DAZAP2: variants seen among roughly 807,000 people sequenced by gnomAD.
DAZAP2 encodes the protein DAZ-associated protein 2.
A neutral mutation model predicts 16.2 loss-of-function variants in DAZAP2; 3 were observed. That is an observed-to-expected ratio of 0.19 (90% CI 0.08 to 0.48). The LOEUF is 0.48. Among genes scored for constraint, DAZAP2 ranks in the 20% least tolerant of loss-of-function variants. The pLI, the probability that DAZAP2 is intolerant of heterozygous loss-of-function variation, is 0.98. For synonymous variants in DAZAP2, 69 were observed against 77.6 expected, an observed-to-expected ratio of 0.89 and a Z score of 0.58; for missense variants, 172 against 215.9, an observed-to-expected ratio of 0.80 and a Z score of 1.27.
Position 51,242,349 on chromosome 12 carries a change from C to T in DAZAP2, c.398C>T (p.Pro133Leu), listed in dbSNP as rs779753588. 71 of 1,605,468 alleles carry T rather than the reference C, an allele frequency of 4.4e-5. No individual in the cohort carries two copies. In the East Asian group the frequency reaches 1.4e-3, roughly 32 times the overall value. Residue 133 changes from proline (P) to leucine (L), a missense_variant, in exon 4 of 4, where the codon CCT (proline) becomes CTT (leucine). By Grantham distance (98) the Pro-to-Leu change is moderately conservative. Transcript: ENST00000412716. ...GNIPPPPPGC[P>L]PNAAQLAVMQ... is the part of the protein sequence containing the mutation. ...TTTCAGCCTCCACCTCCTGGATGCC[C>T]TCCCAATGCTGCTCAGCTTGCAGTC... is the stretch of plus-strand genomic sequence containing the variant.
chr12:51,240,118 G>A (rs968437908), intron 1 of DAZAP2: 2 of 550,546 alleles, frequency 3.6e-6, no homozygotes, highest in African/African-American at 3.8e-5. Flanking sequence ...ATGTTAGTAG[G>A]AGCAGTGAGC....
At chr12:51,244,202 TTTTA>T (rs1000698375), downstream of DAZAP2, among the ~76,000 whole-genome samples, 9 of 152,188 alleles carry the variant, frequency 5.9e-5, no homozygotes, top group Non-Finnish European at 8.8e-5. Context: ...TCCTCAGCTC[TTTTA>T]TTTATTTTTT....
intron 3 of DAZAP2, 108 bp downstream of exon 3, chr12:51,241,224 G>A: frequency 6.6e-7 from 1 of 1,504,904 alleles, no homozygotes; most frequent in Non-Finnish European, 8.9e-7. Context: ...GCCAGTGTTG[G>A]TACAACTACT....
chr12:51,242,267 C>T (rs1429045310), intron 3 of DAZAP2, 63 bp from the exon 4 acceptor site: 34 of 1,521,504 alleles, frequency 2.2e-5, no homozygotes, highest in Admixed American at 1.3e-4. Flanking sequence ...CTCTGCTTCC[C>T]CTATGTCCCC....
chr12:51,238,841 C>T lies in DAZAP2; in HGVS notation c.-67C>T. Reference sequence around the variant, plus strand: ...ACCATCATGTGACACGGAAGTAGCTCCGAACAGGAAGAGGACGAAAAAAAT... The same window carrying T: ...ACCATCATGTGACACGGAAGTAGCTTCGAACAGGAAGAGGACGAAAAAAAT... On this transcript the variant is annotated 5_prime_UTR_variant, in exon 1 of 4. Coordinates refer to ENST00000412716, the MANE Select transcript of DAZAP2 (RefSeq NM_014764.4). 8.1e-6 allele frequency: 13 copies of T among 1,611,058 alleles called. No individual in the cohort carries two copies. The South Asian group carries it at 1.2e-4, about 15-fold the overall frequency.
intron 1 of DAZAP2, 111 bp from the exon 2 acceptor site, chr12:51,240,232 A>C: frequency 1.4e-5 from 11 of 783,180 alleles, no homozygotes; most frequent in Non-Finnish European, 2.5e-5. Context: ...GGGGCAGACT[A>C]TTTGCAAATC....
intron 2 of DAZAP2, 124 bp downstream of exon 2, chr12:51,240,585 C>CTA (rs551702493): frequency 1.9e-6 from 2 of 1,036,968 alleles, no homozygotes; most frequent in Non-Finnish European, 2.8e-6. Flanking sequence ...ATCTAAAACA[C>CTA]TATATAATTT....
intron 2 of DAZAP2, 171 bp from the exon 3 acceptor site, chr12:51,240,700 G>C (rs1944659822): frequency 1.0e-6 from 1 of 964,478 alleles, no homozygotes; most frequent in South Asian, 1.7e-5. Flanking sequence ...CCCAACATTA[G>C]CTATAGCAGA....
At chr12:51,241,700 C>T (rs1944680525) in intron 3 of DAZAP2, among the ~76,000 whole-genome samples, 1 of 152,116 alleles carries the variant, frequency 6.6e-6, no homozygotes, top group South Asian at 2.1e-4. Flanking sequence ...CACGGTGGCT[C>T]ACCTGAGGTC....
At chr12:51,246,197 G>C (rs1251360930), downstream of DAZAP2, 8 of 1,553,834 alleles carry the variant, frequency 5.1e-6, no homozygotes, top group Non-Finnish European at 6.1e-6. Context: ...ATCTGATTTA[G>C]TCACTGTTTT....
intron 3 of DAZAP2, among the ~76,000 whole-genome samples, chr12:51,241,610 A>G (rs1291264228): frequency 6.6e-6 from 1 of 152,232 alleles, no homozygotes; most frequent in Admixed American, 6.5e-5. Flanking sequence ...CAGTAACTAC[A>G]TGCTAGAGAT....
At position 51,238,884 on chromosome 12, in the gene DAZAP2, A is replaced by T. The variant is rs1329417064; in HGVS notation, c.-24A>T. 2 of 1,613,356 alleles carry T rather than the reference A, an allele frequency of 1.2e-6. No individual in the cohort carries two copies. Reference sequence around the variant, plus strand: ...AAAAAAATAACCGTCCGCGACGCCGAGACAAACCGGACCCGCAACCACCAT... The same window carrying T: ...AAAAAAATAACCGTCCGCGACGCCGTGACAAACCGGACCCGCAACCACCAT... On this transcript the variant is annotated 5_prime_UTR_variant, in exon 1 of 4. Coordinates refer to ENST00000412716, the MANE Select transcript of DAZAP2 (RefSeq NM_014764.4).
At chr12:51,244,658 G>C (rs1944740836), downstream of DAZAP2, 1 of 152,106 alleles carries the variant, frequency 6.6e-6, no homozygotes, top group Non-Finnish European at 1.5e-5. Flanking sequence ...AACTTATCTT[G>C]AGACTAAAAT....
chr12:51,245,762 C>T, downstream of DAZAP2: 1 of 625,088 alleles, frequency 1.6e-6, no homozygotes. Context: ...ACAGCTTTCT[C>T]CATGTCCCTG....
rs746678770 is a variant in DAZAP2 at position 51,243,846 on chromosome 12, T to C, written c.*1388T>C. On this transcript the variant is annotated 3_prime_UTR_variant, in exon 4 of 4. Coordinates refer to ENST00000412716, the MANE Select transcript of DAZAP2 (RefSeq NM_014764.4). ...AGATTTCTTCTATATATATTTTATT[T>C]ATATCCCATCTAGAATTCAGCTAGG... 5 of 985,154 alleles carry C rather than the reference T, an allele frequency of 5.1e-6. No homozygotes were observed. Among genetic ancestry groups the C allele is most frequent in the Non-Finnish European group, 6.0e-6 (5 of 829,624 alleles). 61.0% of individuals were successfully genotyped at this position (985,154 alleles called of 1,614,324 possible).
chr12:51,243,579 T>C lies in DAZAP2; in HGVS notation c.*1121T>C, dbSNP rs1944719932. The stretch of plus-strand genomic sequence containing the variant: ...ATTTTTGTTTTCTGAAATTGGATTT[T>C]ATTTTATTTTATCTTATAATTTCAG... On this transcript the variant is annotated 3_prime_UTR_variant, in exon 4 of 4. Transcript: ENST00000412716. The C allele has an allele frequency of 1.1e-6, 1 of 891,984 alleles. No individual in the cohort carries two copies. The highest frequency in any genetic ancestry group is 1.3e-6 in the Non-Finnish European group (1 of 747,204). The allele number at this position is 891,984 out of a possible 1,614,324, so 55.3% of individuals were successfully genotyped here.
At position 51,239,156 on chromosome 12, in the gene DAZAP2, C is replaced by T. The variant is rs768129353; in HGVS notation, c.13+236C>T. 15 of 549,172 alleles carry T rather than the reference C, an allele frequency of 2.7e-5. 1 individual carries two copies. Among genetic ancestry groups the T allele is most frequent in the Admixed American group, 2.6e-4 (7 of 26,758 alleles). 34.0% of individuals were successfully genotyped at this position (549,172 alleles called of 1,614,324 possible). A position where few individuals can be genotyped will look rare whatever the true frequency, so the allele number is the denominator to read the frequency against. The stretch of plus-strand genomic sequence containing the variant: ...GTGGCGCAGTTTGGAGCTGCGGGCT[C>T]GGGTGGTGGGGGGGCTTGACATGAT... On this transcript the variant is annotated intron_variant, in intron 1 of 3. Coordinates refer to ENST00000412716, the MANE Select transcript of DAZAP2 (RefSeq NM_014764.4).
chr12:51,239,144 G>C (rs1378521161), intron 1 of DAZAP2: 2 of 606,996 alleles, frequency 3.3e-6, no homozygotes, highest in Non-Finnish European at 5.4e-6. Flanking sequence ...GCGCAGTTTG[G>C]AGCTGCGGGC....
At chr12:51,241,681 A>G (rs1944679930) in intron 3 of DAZAP2, among the ~76,000 whole-genome samples, 1 of 152,154 alleles carries the variant, frequency 6.6e-6, no homozygotes, top group Admixed American at 6.6e-5. Flanking sequence ...AAACTGTGTA[A>G]GGGCGAAGCA....
Sources: allele counts gnomAD v4.1 joint callset (sites outside exome capture counted in the v4.1 genomes callset), GRCh38; gene constraint gnomAD v4.1.1; transcripts MANE v1.5; gene names NCBI Gene and HGNC (gene_info 2026-07-23, HGNC 2026-07-21).